Variants in MICALL1 observed in about 807,000 individuals in gnomAD.
MICALL1 encodes the protein MICAL like 1, also known as MICAL-like protein 1.
MICALL1 carries 61 observed loss-of-function variants against 83.7 expected under a neutral mutation model. The ratio of observed to expected loss-of-function variants is 0.73; its 90% CI spans 0.59 to 0.90. The LOEUF is 0.90. Among genes scored for constraint, MICALL1 ranks in the 40% least tolerant of loss-of-function variants. The pLI is 0.00. For missense variants in MICALL1, 1,066 were observed against 1,152.0 expected, an observed-to-expected ratio of 0.93 and a Z score of 1.08; for synonymous variants, 481 against 473.6, an observed-to-expected ratio of 1.02 and a Z score of -0.20.
intron 13 of MICALL1, among the ~76,000 whole-genome samples, 165 bp from the exon 14 acceptor site, chr22:37,936,915 A>G (rs573725556): frequency 2.0e-5 from 3 of 151,188 alleles, no homozygotes; most frequent in South Asian, 4.2e-4. Context: ...AAAAAAAAAG[A>G]ACTTGTAAGC....
At chr22:37,934,933 T>TTTTTA (rs1358481689) in intron 13 of MICALL1, among the ~76,000 whole-genome samples, 2 of 148,066 alleles carry the variant, frequency 1.4e-5, no homozygotes. Context: ...TATTTATTTA[T>TTTTTA]TTTTATTTTA....
rs770442687 is a variant in MICALL1 at position 37,922,248 on chromosome 22, C to G, written c.846C>G (p.Thr282=). The change falls in exon 6 of 16, where the codon ACC becomes ACG. Residue 282 remains threonine (T), a synonymous_variant. Coordinates refer to ENST00000215957, the MANE Select transcript of MICALL1 (RefSeq NM_033386.4). ...ASPEARPQIP[T]KPRVPGKLQE... ...CTGAGGCCCGGCCGCAGATCCCTAC[C>G]AAGCCCCGGGTTCCTGGCAAACTAC... is the stretch of plus-strand genomic sequence containing the variant. 1.0e-5 allele frequency: 16 copies of G among 1,597,260 alleles called. No individual in the cohort carries two copies. The African/African-American group carries it at 1.5e-4, about 15-fold the overall frequency.
At position 37,941,788 on chromosome 22, in the gene MICALL1, T is replaced by C. The variant is rs6000945; in HGVS notation, c.*958T>C. The C allele has an allele frequency of 0.035, 5,332 of 152,430 alleles. 304 individuals are homozygous for C. Among genetic ancestry groups the C allele is most frequent in the African/African-American group, 0.12 (5,090 of 41,512 alleles). The allele number at this position is 152,430 out of a possible 1,614,324, so 9.4% of individuals were successfully genotyped here. ...TCCCTCCCACCGAAGGCCTGATGGC[T>C]ACTCACCCCTCTGGGATGGCTATGG... On this transcript the variant is annotated 3_prime_UTR_variant, in exon 16 of 16. Transcript: ENST00000215957.
Position 37,932,857 on chromosome 22 carries a change from C to G in MICALL1, c.2203C>G (p.Leu735Val). The G allele has an allele frequency of 1.1e-5, 17 of 1,614,136 alleles. No homozygotes were observed. Among genetic ancestry groups the G allele is most frequent in the Non-Finnish European group, 1.4e-5 (16 of 1,180,018 alleles). ...CAAGCTCATCCACGAGAAGCACCTA[C>G]TGGTGCGGCGAGAGTCCGAGCTCAT... Reference protein sequence around the residue: ...WFKLIHEKHLLVRRESELIYV... With the variant: ...WFKLIHEKHLVVRRESELIYV... Residue 735 changes from leucine to valine, a missense_variant, in exon 12 of 16, where the codon CTG (leucine) becomes GTG (valine). Transcript: ENST00000215957. This position sits in a 1 kb window ranked among gnomAD's most constrained non-coding sequence, Gnocchi z 4.4.
rs1929821910 is a variant in MICALL1 at position 37,932,112 on chromosome 22, T to C, written c.2016+179T>C. ...GTCTAGCTTGCAGCCTGGAGGGATT[T>C]GGAGCAGATCAGCCCTTCACCACCA... On this transcript the variant is annotated intron_variant, in intron 10 of 15. Coordinates refer to ENST00000215957, the MANE Select transcript of MICALL1 (RefSeq NM_033386.4). This position sits in a 1 kb window ranked among gnomAD's most constrained non-coding sequence, Gnocchi z 4.4. Among the ~76,000 whole-genome samples the C allele has an allele frequency of 6.6e-6, 1 of 152,252 alleles. No individual in the cohort carries two copies. Among genetic ancestry groups the C allele is most frequent in the South Asian group, 2.1e-4 (1 of 4,836 alleles).
chr22:37,938,059 C>T (rs548737569), intron 15 of MICALL1, among the ~76,000 whole-genome samples: 1 of 152,252 alleles, frequency 6.6e-6, no homozygotes, highest in African/African-American at 2.4e-5. Context: ...GGCATCTTCC[C>T]AGGGTGGATT....
Position 37,906,535 on chromosome 22 carries a change from G to T in MICALL1, c.113G>T (p.Cys38Phe). ...SSSFRDGLAFCAILHRHRPDL... is the reference protein window; with the variant it reads ...SSSFRDGLAFFAILHRHRPDL... ...TCCTTCCGGGACGGCCTGGCCTTCT[G>T]CGCCATCCTGCACCGGCACCGGCCC... The change falls in exon 1 of 16, where the codon TGC becomes TTC. Residue 38 changes from cysteine to phenylalanine, a missense_variant. Cys to Phe is a radical substitution (Grantham distance 205). Transcript: ENST00000215957. This position sits in a 1 kb window ranked among gnomAD's most constrained non-coding sequence, Gnocchi z 4.4. 1 of 1,219,974 alleles carries T rather than the reference G, an allele frequency of 8.2e-7. No homozygotes were observed. Among genetic ancestry groups the T allele is most frequent in the Non-Finnish European group, 1.0e-6 (1 of 970,666 alleles). The allele number at this position is 1,219,974 out of a possible 1,614,324, so 75.6% of individuals were successfully genotyped here. A position where few individuals can be genotyped will look rare whatever the true frequency, so the allele number is the denominator to read the frequency against.
rs1290904982 is a variant in MICALL1 at position 37,932,234 on chromosome 22, G to GT, written c.2016+304dup. Among the ~76,000 whole-genome samples the GT allele has an allele frequency of 1.3e-5, 2 of 152,366 alleles. No homozygotes were observed. Among genetic ancestry groups the GT allele is most frequent in the Non-Finnish European group, 2.9e-5 (2 of 68,030 alleles). ...CTTAAGCTGATTAGAGTGTTCTCAA[G>GT]TTTATCTCTGTAATAAGGTCACTCT... On this transcript the variant is annotated intron_variant, in intron 10 of 15. Transcript: ENST00000215957. The surrounding 1 kb of genome is among the most constrained non-coding windows in gnomAD (Gnocchi z 4.4).
intron 5 of MICALL1, among the ~76,000 whole-genome samples, chr22:37,920,318 G>A (rs1305360696): frequency 1.3e-5 from 2 of 152,196 alleles, no homozygotes; most frequent in African/African-American, 4.8e-5. Context: ...GTGGCAGCAC[G>A]CACTTGATCT....
chr22:37,919,039 G>T lies in MICALL1; in HGVS notation c.430G>T (p.Glu144Ter). The T allele has an allele frequency of 6.5e-7, 1 of 1,549,818 alleles. No individual in the cohort carries two copies. Among genetic ancestry groups the T allele is most frequent in the Admixed American group, 1.9e-5 (1 of 51,328 alleles). Residue 144 changes from glutamate to a stop codon, truncating the protein, a stop_gained, in exon 5 of 16, where the codon GAG becomes TAG. Coordinates refer to ENST00000215957, the MANE Select transcript of MICALL1 (RefSeq NM_033386.4). LOFTEE classifies it high-confidence loss of function. ...TCCCCCACCTCGTTCTCTGCAGGGC[G>T]AGGAGCTCTCCTCAGGCAGCCTGTC... The part of the protein sequence containing the change: ...PVEPEDVAQG[E>*]ELSSGSLSEQ...
At position 37,916,240 on chromosome 22, in the gene MICALL1, T is replaced by C. The variant is rs141775612; in HGVS notation, c.338-1467T>C. Among the ~76,000 whole-genome samples, 51 of 152,358 alleles carry C rather than the reference T, an allele frequency of 3.3e-4. No individual in the cohort carries two copies. The East Asian group carries it at 9.2e-3, about 28-fold the overall frequency. ...CTCCCTCGCCCTGCAGGGATTCTCA[T>C]TGATAAAGGTACAGTTTGTGGCAGA... On this transcript the variant is annotated intron_variant, in intron 3 of 15. Transcript: ENST00000215957.
At position 37,924,627 on chromosome 22, in the gene MICALL1, T is replaced by C; in HGVS notation, c.1025-33T>C. On this transcript the variant is annotated intron_variant, in intron 6 of 15. Transcript: ENST00000215957. The surrounding 1 kb of genome is among the most constrained non-coding windows in gnomAD (Gnocchi z 5.2). ...CTGGGTGCCCACCTCCTGCTGCCCA[T>C]GAAGGCCTGGCTCACTCTCCTTTCC... 6.3e-7 allele frequency: 1 copy of C among 1,599,418 alleles called. No homozygotes were observed.
At chr22:37,936,378 G>C (rs115237200) in intron 13 of MICALL1, among the ~76,000 whole-genome samples, 2 of 152,232 alleles carry the variant, frequency 1.3e-5, no homozygotes, top group African/African-American at 4.8e-5. Flanking sequence ...TTGTCTCCTC[G>C]CCCCTGCCCC....
chr22:37,937,236 A>T (rs1212818595), intron 14 of MICALL1, 42 bp downstream of exon 14: 3 of 1,465,968 alleles, frequency 2.0e-6, no homozygotes, highest in Admixed American at 2.0e-5. Flanking sequence ...GCAGGGCCAG[A>T]GCAGGTCAGG....
rs377434160 is a variant in MICALL1, at chr22:37,918,693, G to T, written c.427-343G>T. Among the ~76,000 whole-genome samples the T allele has an allele frequency of 5.9e-5, 9 of 152,356 alleles. No homozygotes were observed. The East Asian group carries it at 1.7e-3, about 29-fold the overall frequency. On this transcript the variant is annotated intron_variant, in intron 4 of 15. Transcript: ENST00000215957. ...CCCCCGCAAAGGGGAGGAGGAGGGG[G>T]CAGGAGCCGCCAAGGGGAAGGGGCT...
chr22:37,910,862 A>G lies in MICALL1; in HGVS notation c.147-1090A>G, dbSNP rs766722975. 2.0e-5 allele frequency among the ~76,000 whole-genome samples: 3 copies of G among 152,184 alleles called. 1 individual carries two copies. The highest frequency in any genetic ancestry group is 4.1e-4 in the South Asian group (2 of 4,828). ...CTTTTCCTGATTTGCACATGGGACA[A>G]TGAATGCTGGAAGGACTGCTGATCC... On this transcript the variant is annotated intron_variant, in intron 1 of 15. Transcript: ENST00000215957.
chr22:37,922,329 T>C lies in MICALL1; in HGVS notation c.927T>C (p.Ser309=). ...GRPTPAPRKA[S]ESTTPAPPTP... Reference sequence around the variant, plus strand: ...CCACCCCTGCCCCCAGGAAGGCCTCTGAGAGCACCACCCCAGCACCCCCCA... The same window carrying C: ...CCACCCCTGCCCCCAGGAAGGCCTCCGAGAGCACCACCCCAGCACCCCCCA... The change falls in exon 6 of 16, where the codon TCT becomes TCC. Residue 309 remains serine, a synonymous_variant. Transcript: ENST00000215957. The C allele has an allele frequency of 1.3e-6, 2 of 1,529,258 alleles. No homozygotes were observed. The highest frequency in any genetic ancestry group is 1.2e-5 in the South Asian group (1 of 81,602). 94.7% of individuals were successfully genotyped at this position (1,529,258 alleles called of 1,614,324 possible).
At chr22:37,908,269 TGTGA>T (rs965182056) in intron 1 of MICALL1, among the ~76,000 whole-genome samples, 6 of 151,856 alleles carry the variant, frequency 4.0e-5, no homozygotes, top group African/African-American at 1.5e-4. Flanking sequence ...CATTAGTTAC[TGTGA>T]GTAACTAATG....
Position 37,906,478 on chromosome 22 carries a change from A to G in MICALL1, c.56A>G (p.Tyr19Cys). Residue 19 changes from tyrosine (Y) to cysteine (C), a missense_variant, in exon 1 of 16, where the codon TAC becomes TGC. Tyr to Cys is a radical substitution (Grantham distance 194). Coordinates refer to ENST00000215957, the MANE Select transcript of MICALL1 (RefSeq NM_033386.4). This position sits in a 1 kb window ranked among gnomAD's most constrained non-coding sequence, Gnocchi z 4.4. ...TGGTGCCGCCGCCAGTGCGAGGGCT[A>G]CCGCGGCGTGGAGATCCGCGACCTG... ...LAWCRRQCEG[Y>C]RGVEIRDLSS... 1 of 1,241,812 alleles carries G rather than the reference A, an allele frequency of 8.1e-7. No homozygotes were observed. Among genetic ancestry groups the G allele is most frequent in the Non-Finnish European group, 1.0e-6 (1 of 981,618 alleles). 76.9% of individuals were successfully genotyped at this position (1,241,812 alleles called of 1,614,324 possible).
Sources: gnomAD v4.1 joint callset for allele counts (sites outside exome capture counted in the v4.1 genomes callset) on GRCh38, gnomAD v4.1.1 for gene constraint, Gnocchi (gnomAD v3.1) non-coding constraint, MANE v1.5 for transcripts, NCBI Gene and HGNC (gene_info 2026-07-23, HGNC 2026-07-21) for gene names.